The following RSRC1 variants were observed in gnomAD, a reference collection of about 807,000 sequenced individuals.
The protein encoded by RSRC1 is serine/Arginine-related protein 53.
Under a neutral mutation model 49.1 loss-of-function variants are expected in RSRC1, and 39 were observed. The ratio of observed to expected loss-of-function variants is 0.79; its 90% CI spans 0.61 to 1.04. The LOEUF is 1.04. RSRC1 is among the 50% of genes least tolerant of loss of function. RSRC1 has a pLI of 0.00. For missense variants in RSRC1, 388 were observed against 402.4 expected (o/e 0.96, Z 0.31); for synonymous variants, 143 against 130.8 (o/e 1.09, Z -0.63).
chr3:158,515,495 A>T (rs1230420555), intron 7 of RSRC1, among the ~76,000 whole-genome samples: 1 of 136,714 alleles, frequency 7.3e-6, no homozygotes, highest in Non-Finnish European at 1.6e-5. Flanking sequence ...CTTCCCTTTG[A>T]GGGTAACCCG....
At chr3:158,179,638 A>G (rs1021794026) in intron 3 of RSRC1, among the ~76,000 whole-genome samples, 2 of 152,066 alleles carry the variant, frequency 1.3e-5, no homozygotes, top group African/African-American at 4.8e-5. Flanking sequence ...TTGTTTAACT[A>G]TTATCCATTG....
chr3:158,362,507 G>T (rs1046382859), intron 6 of RSRC1, among the ~76,000 whole-genome samples: 3 of 152,180 alleles, frequency 2.0e-5, no homozygotes, highest in Non-Finnish European at 2.9e-5. Context: ...AGATGCTGAT[G>T]TGCTCATTTT....
intron 5 of RSRC1, among the ~76,000 whole-genome samples, chr3:158,319,738 C>A (rs1231349565): frequency 6.6e-6 from 1 of 152,062 alleles, no homozygotes; most frequent in Non-Finnish European, 1.5e-5. Context: ...TTTAAAATGG[C>A]TTTATTAATA....
intron 5 of RSRC1, among the ~76,000 whole-genome samples, chr3:158,343,571 C>T (rs560039364): frequency 1.3e-5 from 2 of 152,086 alleles, no homozygotes; most frequent in African/African-American, 2.4e-5. Flanking sequence ...CTGTATTGCA[C>T]CTGATCAGAG....
At chr3:158,439,248 CAG>C (rs1419110375) in intron 6 of RSRC1, among the ~76,000 whole-genome samples, 1 of 152,108 alleles carries the variant, frequency 6.6e-6, no homozygotes, top group East Asian at 1.9e-4. Context: ...TTGTGGAAGA[CAG>C]TGTGGCAATT....
intron 7 of RSRC1, among the ~76,000 whole-genome samples, chr3:158,492,525 T>TC (rs1424089212): frequency 3.3e-5 from 5 of 152,092 alleles, no homozygotes; most frequent in East Asian, 3.8e-4. Flanking sequence ...AACATCTTCT[T>TC]CCCCCCAATA....
At chr3:158,375,990 A>C (rs1732337581) in intron 6 of RSRC1, among the ~76,000 whole-genome samples, 1 of 128,338 alleles carries the variant, frequency 7.8e-6, no homozygotes, top group Admixed American at 6.9e-5. Flanking sequence ...GTGACTCTCC[A>C]CTGATTTCTG....
At chr3:158,243,967 T>A (rs1466651799) in intron 4 of RSRC1, among the ~76,000 whole-genome samples, 13 of 145,680 alleles carry the variant, frequency 8.9e-5, no homozygotes, top group Non-Finnish European at 1.7e-4. Flanking sequence ...TTTTTTTTTT[T>A]AATATACAGG....
At chr3:158,257,004 ATCT>A (rs968103107) in intron 4 of RSRC1, among the ~76,000 whole-genome samples, 4 of 151,760 alleles carry the variant, frequency 2.6e-5, no homozygotes, top group Admixed American at 6.6e-5. Context: ...AATTTTGTTG[ATCT>A]TCTCAAAAAA....
intron 7 of RSRC1, among the ~76,000 whole-genome samples, chr3:158,466,904 A>G (rs1483539013): frequency 6.6e-6 from 1 of 152,146 alleles, no homozygotes; most frequent in Non-Finnish European, 1.5e-5. Context: ...TCAAAAAGAA[A>G]AAAGATTAGT....
intron 6 of RSRC1, among the ~76,000 whole-genome samples, chr3:158,453,376 C>T (rs1033156196): frequency 2.4e-4 from 33 of 136,856 alleles, no homozygotes; most frequent in Admixed American, 2.1e-3. Context: ...CTGTGTAGCC[C>T]GGAACCTTTT....
intron 7 of RSRC1, chr3:158,469,786 A>G (rs1221416094): frequency 6.6e-6 from 1 of 152,138 alleles, no homozygotes; most frequent in Admixed American, 6.5e-5. Context: ...GCCGAAGTAA[A>G]ACTATTCTGC....
At chr3:158,192,710 A>G (rs771045595) in intron 3 of RSRC1, among the ~76,000 whole-genome samples, 3 of 152,016 alleles carry the variant, frequency 2.0e-5, no homozygotes, top group Non-Finnish European at 4.4e-5. Context: ...ATGTCCCCCA[A>G]ATATTTCCTT....
intron 3 of RSRC1, among the ~76,000 whole-genome samples, chr3:158,156,051 T>C (rs1176471266): frequency 6.6e-6 from 1 of 152,204 alleles, no homozygotes; most frequent in Non-Finnish European, 1.5e-5. Context: ...GATGACACCT[T>C]CTTCCTATGG....
chr3:158,517,383 C>T (rs1398591871), intron 7 of RSRC1, among the ~76,000 whole-genome samples: 1 of 152,196 alleles, frequency 6.6e-6, no homozygotes, highest in East Asian at 1.9e-4. Flanking sequence ...CCCCACTAAC[C>T]AGTACCTAAT....
intron 5 of RSRC1, among the ~76,000 whole-genome samples, chr3:158,343,633 A>T (rs1021596687): frequency 1.3e-5 from 2 of 152,122 alleles, no homozygotes; most frequent in African/African-American, 4.8e-5. Flanking sequence ...AAACTATTTT[A>T]AAAAACACAC....
chr3:158,425,330 G>A (rs1449428014), intron 6 of RSRC1, among the ~76,000 whole-genome samples: 9 of 151,870 alleles, frequency 5.9e-5, no homozygotes, highest in Non-Finnish European at 1.0e-4. Flanking sequence ...CCTTCATTTC[G>A]TTATGTACCC....
chr3:158,529,925 A>G (rs2108498810), intron 7 of RSRC1, among the ~76,000 whole-genome samples: 2 of 152,000 alleles, frequency 1.3e-5, no homozygotes, highest in South Asian at 4.1e-4. Context: ...GCATTCAGTG[A>G]ATCATGGTAG....
intron 7 of RSRC1, among the ~76,000 whole-genome samples, chr3:158,512,933 T>C (rs1177799283): frequency 7.0e-6 from 1 of 142,912 alleles, no homozygotes; most frequent in Non-Finnish European, 1.5e-5. Context: ...TGTTGGTGTA[T>C]AAGAATGCTT....
Sources: allele counts gnomAD v4.1 joint callset (sites outside exome capture counted in the v4.1 genomes callset), GRCh38; gene constraint gnomAD v4.1.1; transcripts MANE v1.5; gene names NCBI Gene and HGNC (gene_info 2026-07-23, HGNC 2026-07-21).